The following C10orf67 variants were observed in gnomAD, a reference collection of about 807,000 sequenced individuals.
C10orf67 encodes the protein uncharacterized protein C10orf67, mitochondrial.
Under a neutral mutation model 35.6 loss-of-function variants are expected in C10orf67, and 60 were observed. The ratio of observed to expected loss-of-function variants is 1.68; its 90% CI spans 1.37 to 2.09. C10orf67 has a LOEUF of 2.09. C10orf67 is among the 30% of genes most tolerant of loss of function. The probability of loss-of-function intolerance (pLI) is 0.00; values close to 1 mark genes in which losing one functional copy is unlikely to be tolerated. For synonymous variants in C10orf67, 167 were observed against 115.8 expected, an observed-to-expected ratio of 1.44 and a Z score of -2.84; for missense variants, 474 against 330.2, an observed-to-expected ratio of 1.44 and a Z score of -3.38.
At chr10:23,241,275 A>G (rs1471268835) in intron 12 of C10orf67, among the ~76,000 whole-genome samples, 6 of 152,234 alleles carry the variant, frequency 3.9e-5, no homozygotes, top group Admixed American at 1.3e-4. Context: ...TAATTTCACA[A>G]GTCTACATAT....
intron 15 of C10orf67, among the ~76,000 whole-genome samples, chr10:23,222,500 C>T (rs931192440): frequency 1.3e-5 from 2 of 151,970 alleles, no homozygotes; most frequent in African/African-American, 4.8e-5. Context: ...ACCGGGGTCT[C>T]CAAAAGGAGG....
At chr10:23,338,717 A>G (rs1845776232) in intron 1 of C10orf67, among the ~76,000 whole-genome samples, 1 of 152,110 alleles carries the variant, frequency 6.6e-6, no homozygotes, top group South Asian at 2.1e-4. Context: ...CTTACTGAAG[A>G]TTCATTTAAG....
In C10orf67 at chr10:23,303,404, T is replaced by C. The variant is rs753306523; in HGVS notation, c.602A>G (p.Lys201Arg). The C allele has an allele frequency of 3.4e-5, 22 of 647,960 alleles. No individual in the cohort carries two copies. The highest frequency in any genetic ancestry group is 5.6e-5 in the Non-Finnish European group (20 of 356,804). 40.1% of individuals were successfully genotyped at this position (647,960 alleles called of 1,614,324 possible). Residue 201 changes from lysine (K) to arginine (R), a missense_variant, in exon 5 of 16, where the codon AAA becomes AGA. Transcript: ENST00000636213. ...CAGTTTTCTTAACAAAATATTTGTT[T>C]TGACAGTACTCGCATCTTGCAAAGA... ...NVSLQDASTV[K>R]TNILLRKLKE...
At chr10:23,247,467 G>C (rs1842345852) in intron 12 of C10orf67, among the ~76,000 whole-genome samples, 2 of 152,170 alleles carry the variant, frequency 1.3e-5, no homozygotes, top group African/African-American at 4.8e-5. Context: ...GCCTAGGTGT[G>C]TGGTAGGCTA....
intron 15 of C10orf67, 63 bp from the exon 16 acceptor site, chr10:23,204,318 C>T: frequency 2.1e-6 from 1 of 479,172 alleles, no homozygotes; most frequent in East Asian, 3.5e-5. Flanking sequence ...CAGACCACTT[C>T]CCACTCTTCC....
chr10:23,342,982 C>A (rs1278920441), intron 1 of C10orf67, among the ~76,000 whole-genome samples: 1 of 152,218 alleles, frequency 6.6e-6, no homozygotes, highest in African/African-American at 2.4e-5. Context: ...TGGCTACCTA[C>A]TGATTTGAAA....
intron 15 of C10orf67, among the ~76,000 whole-genome samples, 172 bp from the exon 16 acceptor site, chr10:23,204,427 T>C (rs879643173): frequency 6.6e-6 from 1 of 151,936 alleles, no homozygotes; most frequent in African/African-American, 2.4e-5. Flanking sequence ...GTGAAGGAGG[T>C]AGGGCAGGCA....
rs150305955 is a variant in C10orf67 at position 23,324,587 on chromosome 10, C to G, written c.328-2050G>C. Among the ~76,000 whole-genome samples the G allele has an allele frequency of 9.8e-5, 15 of 152,312 alleles. No homozygotes were observed. In the East Asian group the frequency reaches 1.9e-3, roughly 20 times the overall value. On this transcript the variant is annotated intron_variant, in intron 2 of 15. Transcript: ENST00000636213. ...GGCTTCCTCAAGCATGAGTCAAGCA[C>G]CAGTCCTTTGTGTCTTCTAATAGCA... is the stretch of plus-strand genomic sequence containing the variant.
intron 13 of C10orf67, among the ~76,000 whole-genome samples, chr10:23,224,782 T>C (rs186673645): frequency 6.6e-6 from 1 of 152,234 alleles, no homozygotes; most frequent in African/African-American, 2.4e-5. Context: ...GTATCAGTGA[T>C]TGAAGATCAA....
chr10:23,246,112 T>C (rs1588612164), intron 12 of C10orf67, among the ~76,000 whole-genome samples: 1 of 152,064 alleles, frequency 6.6e-6, no homozygotes, highest in South Asian at 2.1e-4. Flanking sequence ...GAAAACCAAA[T>C]ACCACATGTT....
In C10orf67 at chr10:23,204,419, GA is replaced by G. The variant is rs530983849; in HGVS notation, c.1571-165del. The stretch of plus-strand genomic sequence containing the variant: ...TTCAGGAACCTGGAAGAGAGACGGT[GA>G]AGGAGGTAGGGCAGGCAGGCAGATT... On this transcript the variant is annotated intron_variant, in intron 15 of 15. Transcript: ENST00000636213. Among the ~76,000 whole-genome samples the G allele has an allele frequency of 1.2e-4, 18 of 152,314 alleles. No individual in the cohort carries two copies. In the East Asian group the frequency reaches 3.3e-3, roughly 28 times the overall value.
chr10:23,331,207 A>ACCAG (rs1564518892), intron 2 of C10orf67, among the ~76,000 whole-genome samples: 1 of 16,582 alleles, frequency 6.0e-5, no homozygotes, highest in Non-Finnish European at 1.3e-4. Flanking sequence ...AGGGAAGGGA[A>ACCAG]GAGGGAAGGG....
chr10:23,281,200 T>C (rs1418079071), intron 8 of C10orf67, among the ~76,000 whole-genome samples: 1 of 152,176 alleles, frequency 6.6e-6, no homozygotes, highest in Non-Finnish European at 1.5e-5. Flanking sequence ...TTAATTTCTA[T>C]GACAAGGAAC....
At position 23,238,919 on chromosome 10, in the gene C10orf67, G is replaced by A. The variant is rs560689364; in HGVS notation, c.1434+810C>T. ...ATTAATTTAATATTATCCTGCAAGT[G>A]TACTTAAGTTCTTTGATCTCCTGCA... On this transcript the variant is annotated intron_variant, in intron 13 of 15. Transcript: ENST00000636213. Among the ~76,000 whole-genome samples, 3 of 152,108 alleles carry A rather than the reference G, an allele frequency of 2.0e-5. No homozygotes were observed. The East Asian group carries it at 5.8e-4, about 29-fold the overall frequency.
At chr10:23,236,188 G>T (rs1197316885) in intron 13 of C10orf67, among the ~76,000 whole-genome samples, 1 of 148,496 alleles carries the variant, frequency 6.7e-6, no homozygotes, top group Non-Finnish European at 1.5e-5. Flanking sequence ...GGCGGAGCTT[G>T]CAGTGAGCTG....
rs141732946 is a variant in C10orf67 at position 23,329,923 on chromosome 10, G to T, written c.327+3139C>A. Among the ~76,000 whole-genome samples the T allele has an allele frequency of 2.6e-3, 398 of 151,734 alleles. 3 individuals are homozygous for T. Among genetic ancestry groups the T allele is most frequent in the African/African-American group, 9.3e-3 (385 of 41,372 alleles). On this transcript the variant is annotated intron_variant, in intron 2 of 15. Transcript: ENST00000636213. ...GCAGAAATGCAAAAGGAAATATTATGATCCAGTTAGGTTTATTTCAGGAAG... is the reference window on the plus strand; with the variant it reads ...GCAGAAATGCAAAAGGAAATATTATTATCCAGTTAGGTTTATTTCAGGAAG...
At chr10:23,226,361 G>T (rs1385391265) in intron 13 of C10orf67, among the ~76,000 whole-genome samples, 1 of 151,996 alleles carries the variant, frequency 6.6e-6, no homozygotes, top group Non-Finnish European at 1.5e-5. Context: ...ACAAAATGAA[G>T]GCAGAAATAA....
intron 4 of C10orf67, among the ~76,000 whole-genome samples, chr10:23,312,241 T>C (rs911508231): frequency 6.6e-6 from 1 of 152,218 alleles, no homozygotes; most frequent in African/African-American, 2.4e-5. Flanking sequence ...TATTCACTTA[T>C]TTACTTATAA....
At chr10:23,233,666 A>C (rs1247912591) in intron 13 of C10orf67, among the ~76,000 whole-genome samples, 1 of 152,226 alleles carries the variant, frequency 6.6e-6, no homozygotes, top group Non-Finnish European at 1.5e-5. Flanking sequence ...CAAAGAGTAA[A>C]TTAACAAAGA....
Sources: gnomAD v4.1 joint callset for allele counts (sites outside exome capture counted in the v4.1 genomes callset) on GRCh38, gnomAD v4.1.1 for gene constraint, MANE v1.5 for transcripts, NCBI Gene and HGNC (gene_info 2026-07-23, HGNC 2026-07-21) for gene names.